Variants in CDH13 observed in about 807,000 individuals in gnomAD.
CDH13 encodes the protein cadherin-13.
CDH13 carries 24 observed loss-of-function variants against 63.8 expected under a neutral mutation model. The ratio of observed to expected loss-of-function variants is 0.38; its 90% CI spans 0.27 to 0.53. CDH13 has a LOEUF of 0.53. Ranked by LOEUF, CDH13 falls within the 20% of genes least tolerant of loss-of-function variation. CDH13 has a pLI of 0.85. For synonymous variants in CDH13, 503 were observed against 355.3 expected, an observed-to-expected ratio of 1.42 and a Z score of -4.67; for missense variants, 1,049 against 903.1, an observed-to-expected ratio of 1.16 and a Z score of -2.07.
chr16:83,723,939 C>T (rs938713672), intron 10 of CDH13, among the ~76,000 whole-genome samples: 1 of 152,142 alleles, frequency 6.6e-6, no homozygotes, highest in Admixed American at 6.5e-5. Flanking sequence ...TGGATAGACA[C>T]ATGGATGAGT....
At chr16:82,900,623 T>C (rs1178442082) in intron 2 of CDH13, among the ~76,000 whole-genome samples, 2 of 151,952 alleles carry the variant, frequency 1.3e-5, no homozygotes, top group African/African-American at 4.8e-5. Context: ...AGAGAGGAAG[T>C]GATTGAAGAT....
intron 7 of CDH13, among the ~76,000 whole-genome samples, chr16:83,588,992 C>T (rs1413063192): frequency 2.6e-5 from 4 of 152,156 alleles, no homozygotes; most frequent in African/African-American, 7.2e-5. Flanking sequence ...CCACAAAATC[C>T]GTGGCAGACA....
At chr16:83,614,389 T>G (rs1451500029) in intron 8 of CDH13, among the ~76,000 whole-genome samples, 1 of 152,238 alleles carries the variant, frequency 6.6e-6, no homozygotes, top group African/African-American at 2.4e-5. Context: ...TGCATTTCAC[T>G]TCTCAGTCCC....
intron 7 of CDH13, among the ~76,000 whole-genome samples, chr16:83,495,504 A>T (rs2074115212): frequency 6.6e-6 from 1 of 152,034 alleles, no homozygotes; most frequent in African/African-American, 2.4e-5. Context: ...AAGGTATCAG[A>T]CTCTTAGTTA....
intron 2 of CDH13, among the ~76,000 whole-genome samples, chr16:82,931,189 C>T (rs866965711): frequency 2.6e-5 from 4 of 152,202 alleles, no homozygotes; most frequent in Non-Finnish European, 5.9e-5. Context: ...TTCCCTCTCT[C>T]GTGTCAAAAA....
At chr16:82,682,160 C>A (rs1914618736) in intron 1 of CDH13, among the ~76,000 whole-genome samples, 1 of 152,202 alleles carries the variant, frequency 6.6e-6, no homozygotes, top group Admixed American at 6.5e-5. Flanking sequence ...AATGATAAGA[C>A]TGCCTTCACG....
At chr16:82,677,446 CT>C (rs3041877) in intron 1 of CDH13, among the ~76,000 whole-genome samples, 5,293 of 130,672 alleles carry the variant, frequency 0.041, 275 homozygotes, top group African/African-American at 0.14. Flanking sequence ...ACTCTTCTGC[CT>C]TTTTTTTTTT....
intron 7 of CDH13, among the ~76,000 whole-genome samples, chr16:83,513,976 A>T (rs2074637765): frequency 6.6e-6 from 1 of 152,168 alleles, no homozygotes; most frequent in Non-Finnish European, 1.5e-5. Context: ...TCCAATAGAG[A>T]CTGTCTTGTA....
intron 10 of CDH13, among the ~76,000 whole-genome samples, chr16:83,678,710 C>G (rs1305137527): frequency 6.6e-6 from 1 of 152,146 alleles, no homozygotes; most frequent in Non-Finnish European, 1.5e-5. Context: ...GCTGTGTTCC[C>G]AAATGACCAG....
chr16:83,268,159 T>A (rs933510093), intron 5 of CDH13, among the ~76,000 whole-genome samples: 1 of 152,198 alleles, frequency 6.6e-6, no homozygotes, highest in African/African-American at 2.4e-5. Context: ...ATCATAGTAA[T>A]TGACATAATT....
chr16:83,768,226 A>G (rs1315849879), intron 11 of CDH13, among the ~76,000 whole-genome samples: 1 of 152,124 alleles, frequency 6.6e-6, no homozygotes, highest in Non-Finnish European at 1.5e-5. Context: ...TAATGACAAG[A>G]TATAAAGCAC....
chr16:83,725,543 C>T (rs1910287998), intron 10 of CDH13: 1 of 152,388 alleles, frequency 6.6e-6, no homozygotes, highest in African/African-American at 2.4e-5. Flanking sequence ...CACGGTCTGG[C>T]TGGTGATTTG....
chr16:83,232,549 C>CAAAAAAAA (rs752481819), intron 5 of CDH13, among the ~76,000 whole-genome samples: 1 of 104,526 alleles, frequency 9.6e-6, no homozygotes, highest in African/African-American at 3.2e-5. Flanking sequence ...CAACAACAAA[C>CAAAAAAAA]AAACAAAAAA....
chr16:83,054,673 G>A (rs978047570), intron 3 of CDH13, among the ~76,000 whole-genome samples: 2 of 152,222 alleles, frequency 1.3e-5, no homozygotes, highest in East Asian at 3.9e-4. Context: ...AGATAAGAGG[G>A]TGACTGGTGT....
chr16:83,196,172 C>T (rs139643720), intron 4 of CDH13, among the ~76,000 whole-genome samples: 115 of 152,264 alleles, frequency 7.6e-4, no homozygotes, highest in African/African-American at 2.7e-3. Flanking sequence ...AGGAGAATCA[C>T]TTGAACCCGG....
intron 3 of CDH13, among the ~76,000 whole-genome samples, chr16:83,112,805 T>C (rs2035122091): frequency 6.6e-6 from 1 of 152,224 alleles, no homozygotes; most frequent in Non-Finnish European, 1.5e-5. Context: ...TACCAGACCT[T>C]CGTGAGCACC....
At chr16:83,106,332 G>T (rs2034762546) in intron 3 of CDH13, among the ~76,000 whole-genome samples, 1 of 152,180 alleles carries the variant, frequency 6.6e-6, no homozygotes, top group Admixed American at 6.5e-5. Context: ...GAGGTCAGGA[G>T]TTCGAGACGA....
At chr16:83,708,477 CTTTCTGTCTT>C (rs1384104782) in intron 10 of CDH13, among the ~76,000 whole-genome samples, 4 of 152,186 alleles carry the variant, frequency 2.6e-5, no homozygotes, top group Non-Finnish European at 5.9e-5. Flanking sequence ...GCTTTGTTCT[CTTTCTGTCTT>C]TTTCTGTCTA....
At chr16:83,355,999 G>A (rs748087497) in intron 6 of CDH13, among the ~76,000 whole-genome samples, 5 of 152,110 alleles carry the variant, frequency 3.3e-5, no homozygotes, top group African/African-American at 4.8e-5. Flanking sequence ...AGGTGACTCC[G>A]CCGTGGTCAC....
Sources: gnomAD v4.1 joint callset for allele counts (sites outside exome capture counted in the v4.1 genomes callset) on GRCh38, gnomAD v4.1.1 for gene constraint, MANE v1.5 for transcripts, NCBI Gene and HGNC (gene_info 2026-07-23, HGNC 2026-07-21) for gene names.